The following DCAF1 variants were observed in gnomAD, a reference collection of about 807,000 sequenced individuals.
DCAF1 encodes the protein DDB1 and CUL4 associated factor 1.
A neutral mutation model predicts 128.0 loss-of-function variants in DCAF1; 15 were observed. The ratio of observed to expected loss-of-function variants is 0.12; its 90% CI spans 0.08 to 0.18. The LOEUF (loss-of-function observed/expected upper bound fraction) is 0.18. Ranked by LOEUF, DCAF1 falls within the 10% of genes least tolerant of loss-of-function variation. The pLI is 1.00. For synonymous variants in DCAF1, 610 were observed against 603.0 expected, an observed-to-expected ratio of 1.01 and a Z score of -0.17; for missense variants, 988 against 1,649.5, an observed-to-expected ratio of 0.60 and a Z score of 6.95.
At chr3:51,436,923 G>A (rs374842130) in intron 9 of DCAF1, among the ~76,000 whole-genome samples, 1 of 152,102 alleles carries the variant, frequency 6.6e-6, no homozygotes, top group African/African-American at 2.4e-5. Flanking sequence ...ACAAATAAAG[G>A]TATGTATAGA....
At chr3:51,474,769 A>AATC (rs1255078551) in intron 3 of DCAF1, among the ~76,000 whole-genome samples, 3 of 150,246 alleles carry the variant, frequency 2.0e-5, no homozygotes, top group Non-Finnish European at 3.0e-5. Flanking sequence ...TACAGGTGTC[A>AATC]ATCAGCATGC....
intron 6 of DCAF1, among the ~76,000 whole-genome samples, chr3:51,450,398 A>G (rs1209602942): frequency 1.3e-5 from 2 of 152,248 alleles, no homozygotes; most frequent in African/African-American, 4.8e-5. Flanking sequence ...ATTCAGCAGC[A>G]TAAGAGGATT....
Position 51,418,541 on chromosome 3 carries a change from G to T in DCAF1, c.3435+137C>A, listed in dbSNP as rs1699103744. On this transcript the variant is annotated intron_variant, in intron 16 of 24. Coordinates refer to ENST00000684031, the MANE Select transcript of DCAF1 (RefSeq NM_001387579.1). ...ATTCCTCAGTCTCCATCTGAAATAT[G>T]AATTAACCTCAACTAGACTTTCCAG... 2.1e-5 allele frequency: 29 copies of T among 1,408,080 alleles called. No individual in the cohort carries two copies. In the South Asian group the frequency reaches 4.6e-4, roughly 23 times the overall value. 87.2% of individuals were successfully genotyped at this position (1,408,080 alleles called of 1,614,324 possible). A position where few individuals can be genotyped will look rare whatever the true frequency, so the allele number is the denominator to read the frequency against.
intron 3 of DCAF1, among the ~76,000 whole-genome samples, chr3:51,476,985 G>A (rs778947468): frequency 6.6e-6 from 1 of 151,776 alleles, no homozygotes; most frequent in African/African-American, 2.4e-5. Context: ...TTGGGAGACT[G>A]AGGCAGGAGA....
At position 51,416,797 on chromosome 3, in the gene DCAF1, T is replaced by A; in HGVS notation, c.3593A>T (p.Asp1198Val). The change falls in exon 18 of 25, where the codon GAC becomes GTC. Residue 1198 changes from aspartate to valine, a missense_variant. Physicochemically the swap from Asp to Val is radical, Grantham distance 152. Around this residue, in one of 11 missense-constraint regions of DCAF1, gnomAD observed 61 missense variants for 78.3 expected, o/e 0.78. Transcript: ENST00000684031. ...SQDRVIGTKG[D>V]IAHIYDIQTG... ...TTCTTAAGTACTTACGTGGGCAATG[T>A]CTCCTTTTGTGCCGATGACCCGATC... The A allele has an allele frequency of 6.2e-7, 1 of 1,610,892 alleles. No individual in the cohort carries two copies. The highest frequency in any genetic ancestry group is 8.5e-7 in the Non-Finnish European group (1 of 1,178,462).
chr3:51,442,723 G>A (rs1553639192), intron 7 of DCAF1, among the ~76,000 whole-genome samples: 1 of 151,970 alleles, frequency 6.6e-6, no homozygotes, highest in African/African-American at 2.4e-5. Context: ...AAAAAGAGAG[G>A]GATTTTGTGT....
intron 6 of DCAF1, among the ~76,000 whole-genome samples, chr3:51,456,690 G>A (rs1205573199): frequency 2.6e-5 from 4 of 152,148 alleles, no homozygotes; most frequent in Non-Finnish European, 4.4e-5. Flanking sequence ...CACCTCACAC[G>A]GCTGGGTACT....
chr3:51,420,264 G>A lies in DCAF1; in HGVS notation c.2706C>T (p.Thr902=), dbSNP rs1553632028. The part of the protein sequence containing the change: ...AAASPVSLPR[T]PRIANGIATR... ...TTGCAATGCCATTAGCGATACGAGG[G>A]GTTCGGGGTAGAGAGACAGGAGAAG... Residue 902 remains threonine (T), a synonymous_variant, in exon 15 of 25, where the codon ACC becomes ACT. Coordinates refer to ENST00000684031, the MANE Select transcript of DCAF1 (RefSeq NM_001387579.1). This position sits in a 1 kb window ranked among gnomAD's most constrained non-coding sequence, Gnocchi z 6.5. 1 of 1,614,026 alleles carries A rather than the reference G, an allele frequency of 6.2e-7. No individual in the cohort carries two copies. Among genetic ancestry groups the A allele is most frequent in the Admixed American group, 1.7e-5 (1 of 60,026 alleles).
At chr3:51,477,107 C>T (rs1217042766) in intron 3 of DCAF1, among the ~76,000 whole-genome samples, 1 of 151,878 alleles carries the variant, frequency 6.6e-6, no homozygotes, top group Non-Finnish European at 1.5e-5. Context: ...AAAGCCCACT[C>T]GCACAGCTTG....
intron 6 of DCAF1, among the ~76,000 whole-genome samples, chr3:51,448,850 C>A (rs781795354): frequency 8.6e-5 from 13 of 151,878 alleles, no homozygotes; most frequent in Non-Finnish European, 2.9e-5. Flanking sequence ...ACAGAAAACT[C>A]CACCCAACAA....
intron 17 of DCAF1, among the ~76,000 whole-genome samples, chr3:51,417,816 GGGAGAGGAGA>G (rs1225811728): frequency 1.3e-5 from 2 of 150,960 alleles, no homozygotes; most frequent in East Asian, 3.9e-4. Context: ...GGGAGGGGAG[GGGAGAGGAGA>G]GGAGAGGAGA....
Position 51,435,019 on chromosome 3 carries a change from G to A in DCAF1, c.1129-1755C>T, listed in dbSNP as rs1189031171. ...CTGCACAAATCTCACCAAGGTCAATGGAAAAAACAGGGATGTGCCCTCTTC... is the reference window on the plus strand; with the variant it reads ...CTGCACAAATCTCACCAAGGTCAATAGAAAAAACAGGGATGTGCCCTCTTC... On this transcript the variant is annotated intron_variant, in intron 9 of 24. Coordinates refer to ENST00000684031, the MANE Select transcript of DCAF1 (RefSeq NM_001387579.1). 2.0e-5 allele frequency among the ~76,000 whole-genome samples: 3 copies of A among 152,198 alleles called. No individual in the cohort carries two copies. In the East Asian group the frequency reaches 5.8e-4, roughly 29 times the overall value.
At chr3:51,492,321 A>G (rs1707751342) in intron 2 of DCAF1, among the ~76,000 whole-genome samples, 1 of 151,670 alleles carries the variant, frequency 6.6e-6, no homozygotes, top group African/African-American at 2.4e-5. Flanking sequence ...TGAGACGAGT[A>G]TGGCCAACAA....
upstream of DCAF1, among the ~76,000 whole-genome samples, chr3:51,500,561 GAC>G (rs1305964805): frequency 1.3e-5 from 2 of 152,038 alleles, no homozygotes; most frequent in Non-Finnish European, 2.9e-5. Context: ...GTTTTTTTGA[GAC>G]AGAGTCTCGC....
At chr3:51,430,479 T>C (rs938612420) in intron 10 of DCAF1, among the ~76,000 whole-genome samples, 2 of 152,214 alleles carry the variant, frequency 1.3e-5, no homozygotes, top group Non-Finnish European at 2.9e-5. Flanking sequence ...CATTTAATGC[T>C]CACGAGGGCT....
At chr3:51,412,350 A>G (rs782805162) in intron 23 of DCAF1, 29 bp downstream of exon 23, 1 of 1,613,318 alleles carries the variant, frequency 6.2e-7, no homozygotes, top group Non-Finnish European at 8.5e-7. Context: ...AGCACTGTTC[A>G]GCAGAAAGAA....
At position 51,429,221 on chromosome 3, in the gene DCAF1, G is replaced by T. The variant is rs188916130; in HGVS notation, c.1677+40C>A. On this transcript the variant is annotated intron_variant, in intron 12 of 24. Transcript: ENST00000684031. ...TTCAGGACTGAGATGCTACAGAGAG[G>T]GCTAACAGAACTTTCCCTTTCAAGG... is the stretch of plus-strand genomic sequence containing the variant. 4.7e-4 allele frequency: 343 copies of T among 727,588 alleles called. 1 individual carries two copies. Among genetic ancestry groups the T allele is most frequent in the Non-Finnish European group, 1.3e-4 (50 of 389,928 alleles). The allele number at this position is 727,588 out of a possible 1,614,324, so 45.1% of individuals were successfully genotyped here.
intron 17 of DCAF1, 40 bp downstream of exon 17, chr3:51,418,076 T>C: frequency 1.9e-6 from 3 of 1,581,162 alleles, no homozygotes; most frequent in Non-Finnish European, 1.7e-6. Context: ...ATAAACTAGG[T>C]AAATAAAGCA....
chr3:51,397,411 C>A (rs549995751), downstream of DCAF1: 2 of 167,106 alleles, frequency 1.2e-5, no homozygotes, highest in Admixed American at 6.5e-5. Flanking sequence ...TCCACTGTCA[C>A]AATCCCTTTC....
Sources: gnomAD v4.1 joint callset for allele counts (sites outside exome capture counted in the v4.1 genomes callset) on GRCh38, gnomAD v4.1.1 for gene constraint, gnomAD v4.1.1 regional missense constraint, Gnocchi (gnomAD v3.1) non-coding constraint, MANE v1.5 for transcripts, NCBI Gene and HGNC (gene_info 2026-07-23, HGNC 2026-07-21) for gene names.